MARCHF3: variants seen among roughly 807,000 people sequenced by gnomAD.
MARCHF3 encodes E3 ubiquitin-protein ligase MARCHF3.
Under a neutral mutation model 24.2 loss-of-function variants are expected in MARCHF3, and 13 were observed. The observed-to-expected ratio is 0.54, with a 90% CI of 0.35 to 0.85. The LOEUF is 0.85. MARCHF3 is among the 40% of genes least tolerant of loss of function. The pLI, the probability that MARCHF3 is intolerant of heterozygous loss-of-function variation, is 0.01. For synonymous variants in MARCHF3, 144 were observed against 137.3 expected (o/e 1.05, Z -0.34); for missense variants, 276 against 325.0 (o/e 0.85, Z 1.16).
chr5:126,876,811 A>G (rs907246067), intron 4 of MARCHF3, among the ~76,000 whole-genome samples: 5 of 152,144 alleles, frequency 3.3e-5, no homozygotes, highest in Admixed American at 1.3e-4. Context: ...CACGATGCCC[A>G]GCTAATTTTT....
At chr5:127,011,457 A>C (rs757066400) in intron 1 of MARCHF3, among the ~76,000 whole-genome samples, 2 of 152,214 alleles carry the variant, frequency 1.3e-5, no homozygotes, top group Non-Finnish European at 2.9e-5. Context: ...AGCCCAAAAA[A>C]TGAGGTATTG....
At chr5:126,985,012 G>T (rs1376411068) in intron 1 of MARCHF3, among the ~76,000 whole-genome samples, 1 of 152,142 alleles carries the variant, frequency 6.6e-6, no homozygotes, top group African/African-American at 2.4e-5. Context: ...ACGAAAAATT[G>T]AGAAGTCAAA....
At position 126,876,713 on chromosome 5, in the gene MARCHF3, C is replaced by T. The variant is rs943727826; in HGVS notation, c.603+1472G>A. Among the ~76,000 whole-genome samples the T allele has an allele frequency of 3.3e-5, 5 of 151,806 alleles. No individual in the cohort carries two copies. In the East Asian group the frequency reaches 7.7e-4, roughly 23 times the overall value. On this transcript the variant is annotated intron_variant, in intron 4 of 4. Coordinates refer to ENST00000308660, the MANE Select transcript of MARCHF3 (RefSeq NM_178450.5). Reference sequence around the variant, plus strand: ...TCACCAAGGCTGGAGTACAGTGGCACGATCTTGGCTCAGTGCAACTCTGCC... The same window carrying T: ...TCACCAAGGCTGGAGTACAGTGGCATGATCTTGGCTCAGTGCAACTCTGCC...
chr5:127,028,180 C>T (rs1753063101), intron 1 of MARCHF3, among the ~76,000 whole-genome samples: 1 of 152,088 alleles, frequency 6.6e-6, no homozygotes, highest in African/African-American at 2.4e-5. Context: ...ATAATGAACA[C>T]CATTATTGAA....
At chr5:127,002,141 T>C (rs558653175) in intron 1 of MARCHF3, among the ~76,000 whole-genome samples, 8 of 147,998 alleles carry the variant, frequency 5.4e-5, no homozygotes, top group Non-Finnish European at 1.0e-4. Flanking sequence ...ACCAACAATA[T>C]CCAGCCACCA....
chr5:126,980,285 A>T (rs1191753671), intron 1 of MARCHF3, among the ~76,000 whole-genome samples: 1 of 152,144 alleles, frequency 6.6e-6, no homozygotes, highest in East Asian at 1.9e-4. Context: ...TCCTTGGCCC[A>T]GGGTGACTAG....
chr5:126,929,884 C>A (rs1287515705), intron 1 of MARCHF3, among the ~76,000 whole-genome samples: 3 of 152,170 alleles, frequency 2.0e-5, no homozygotes, highest in African/African-American at 7.2e-5. Flanking sequence ...AGTTCCCCTG[C>A]ACATGCTCTT....
chr5:126,990,273 C>T (rs193265603), intron 1 of MARCHF3, among the ~76,000 whole-genome samples: 251 of 152,072 alleles, frequency 1.7e-3, no homozygotes, highest in Admixed American at 3.3e-3. Context: ...CTTTGACAAA[C>T]CTGACAAAAA....
intron 1 of MARCHF3, among the ~76,000 whole-genome samples, chr5:127,023,661 G>A (rs1010825603): frequency 2.3e-4 from 35 of 151,832 alleles, no homozygotes; most frequent in Admixed American, 1.4e-3. Flanking sequence ...GAACCAGGAG[G>A]TGGAGGTTGC....
intron 1 of MARCHF3, among the ~76,000 whole-genome samples, chr5:126,967,938 C>T (rs1437096580): frequency 2.0e-5 from 3 of 152,084 alleles, no homozygotes; most frequent in African/African-American, 7.2e-5. Flanking sequence ...TTATCATCAC[C>T]CCAGAAGAAA....
intron 3 of MARCHF3, among the ~76,000 whole-genome samples, chr5:126,900,426 A>T (rs1332718209): frequency 6.6e-6 from 1 of 151,998 alleles, no homozygotes; most frequent in Non-Finnish European, 1.5e-5. Flanking sequence ...GTGCCCTTAC[A>T]AAAGAGACTC....
intron 1 of MARCHF3, among the ~76,000 whole-genome samples, chr5:126,939,673 T>C (rs1248740353): frequency 6.6e-6 from 1 of 152,212 alleles, no homozygotes; most frequent in East Asian, 1.9e-4. Context: ...AGTCAGTTCT[T>C]GTTATTTACA....
chr5:126,963,255 T>C (rs1452891997), intron 1 of MARCHF3, among the ~76,000 whole-genome samples: 1 of 152,190 alleles, frequency 6.6e-6, no homozygotes, highest in African/African-American at 2.4e-5. Flanking sequence ...TATGAATTGT[T>C]ACAAAAATAT....
At chr5:126,920,446 C>T (rs1256002097) in intron 1 of MARCHF3, among the ~76,000 whole-genome samples, 7 of 152,162 alleles carry the variant, frequency 4.6e-5, no homozygotes, top group Non-Finnish European at 1.0e-4. Context: ...CACAAGGCAG[C>T]CATAGATTAA....
At chr5:127,019,924 C>T (rs988586629) in intron 1 of MARCHF3, among the ~76,000 whole-genome samples, 1 of 152,206 alleles carries the variant, frequency 6.6e-6, no homozygotes, top group African/African-American at 2.4e-5. Flanking sequence ...GGAACTAGGA[C>T]TCTGATTCTA....
Position 126,935,465 on chromosome 5 carries a change from A to G in MARCHF3, c.-56-17238T>C, listed in dbSNP as rs113937993. ...CTGCCAGCATTTGAGCTAGAACCAC[A>G]TCAGTGGCTCTCTTGGGTCTCTAGC... is the stretch of plus-strand genomic sequence containing the variant. On this transcript the variant is annotated intron_variant, in intron 1 of 4. Coordinates refer to ENST00000308660, the MANE Select transcript of MARCHF3 (RefSeq NM_178450.5). Among the ~76,000 whole-genome samples the G allele has an allele frequency of 5.9e-3, 899 of 152,206 alleles. 10 individuals are homozygous for G. Among genetic ancestry groups the G allele is most frequent in the African/African-American group, 0.021 (876 of 41,518 alleles).
intron 3 of MARCHF3, among the ~76,000 whole-genome samples, chr5:126,895,302 T>C (rs1753839994): frequency 1.3e-5 from 2 of 152,142 alleles, no homozygotes; most frequent in African/African-American, 2.4e-5. Flanking sequence ...AGCCTTCTTC[T>C]CTCAGCTCCT....
intron 1 of MARCHF3, among the ~76,000 whole-genome samples, chr5:126,989,328 C>CCAA (rs1561461727): frequency 1.3e-5 from 2 of 149,294 alleles, no homozygotes; most frequent in African/African-American, 5.0e-5. Context: ...ACTACTACTA[C>CCAA]TACTACTACT....
At chr5:126,960,477 C>G (rs1286370269) in intron 1 of MARCHF3, among the ~76,000 whole-genome samples, 1 of 152,122 alleles carries the variant, frequency 6.6e-6, no homozygotes, top group Admixed American at 6.5e-5. Flanking sequence ...ATTCAATACC[C>G]TTACAGAAGC....
Sources: gnomAD v4.1 joint callset for allele counts (sites outside exome capture counted in the v4.1 genomes callset) on GRCh38, gnomAD v4.1.1 for gene constraint, MANE v1.5 for transcripts, NCBI Gene and HGNC (gene_info 2026-07-23, HGNC 2026-07-21) for gene names.